The following WDR7 variants were observed in gnomAD, a reference collection of about 807,000 sequenced individuals.
WDR7 encodes WD repeat domain 7, also known as WD repeat-containing protein 7.
Under a neutral mutation model 169.4 loss-of-function variants are expected in WDR7, and 46 were observed. The ratio of observed to expected loss-of-function variants is 0.27; its 90% CI spans 0.21 to 0.35. WDR7 has a LOEUF of 0.35. Ranked by LOEUF, WDR7 falls within the 10% of genes least tolerant of loss-of-function variation. WDR7 has a pLI of 1.00. For synonymous variants in WDR7, 612 were observed against 666.8 expected (o/e 0.92, Z 1.27); for missense variants, 1,534 against 1,859.3 (o/e 0.83, Z 3.22).
At chr18:56,956,620 T>C (rs550361559) in intron 25 of WDR7, among the ~76,000 whole-genome samples, 1 of 152,266 alleles carries the variant, frequency 6.6e-6, no homozygotes, top group South Asian at 2.1e-4. Context: ...TGTACATTGC[T>C]CCACTGTAGA....
chr18:57,035,294 G>C, the WDR7 span: 1 of 152,372 alleles, frequency 6.6e-6, no homozygotes, highest in Non-Finnish European at 1.5e-5. Context: ...TTTAGCAGGT[G>C]CTGGGTCAAG....
chr18:56,999,473 T>C (rs2047944387), intron 26 of WDR7, among the ~76,000 whole-genome samples: 1 of 152,166 alleles, frequency 6.6e-6, no homozygotes, highest in South Asian at 2.1e-4. Flanking sequence ...AAACCACTTA[T>C]TCTGAGGTGA....
At chr18:56,965,493 G>T (rs1366618625) in intron 26 of WDR7, among the ~76,000 whole-genome samples, 3 of 147,792 alleles carry the variant, frequency 2.0e-5, no homozygotes, top group Admixed American at 6.8e-5. Context: ...AACAGATTAT[G>T]CAAAACCACA....
At chr18:56,842,439 CACACTTCTCA>C in intron 20 of WDR7, among the ~76,000 whole-genome samples, 2 of 152,262 alleles carry the variant, frequency 1.3e-5, no homozygotes, top group Admixed American at 1.3e-4. Flanking sequence ...TTAAAGGTCC[CACACTTCTCA>C]ACACTGTTGC....
At chr18:56,895,620 A>G (rs2046322366) in intron 21 of WDR7, among the ~76,000 whole-genome samples, 1 of 151,876 alleles carries the variant, frequency 6.6e-6, no homozygotes, top group Middle Eastern at 3.2e-3. Flanking sequence ...CACTTAAGAA[A>G]TACATTTTCC....
chr18:56,859,286 G>A (rs756549854), intron 20 of WDR7, among the ~76,000 whole-genome samples: 24 of 152,062 alleles, frequency 1.6e-4, no homozygotes, highest in Non-Finnish European at 2.4e-4. Context: ...TTGAGGAAAG[G>A]GTTATTACAC....
intron 20 of WDR7, among the ~76,000 whole-genome samples, chr18:56,857,592 C>T (rs1417920878): frequency 6.6e-6 from 1 of 152,048 alleles, no homozygotes; most frequent in Non-Finnish European, 1.5e-5. Context: ...CCTATGCATA[C>T]ATATATACAC....
intron 3 of WDR7, among the ~76,000 whole-genome samples, chr18:56,680,459 G>T (rs1389716713): frequency 6.6e-6 from 1 of 152,170 alleles, no homozygotes; most frequent in Admixed American, 6.5e-5. Flanking sequence ...TATAGTAGCT[G>T]TTGGTCAATT....
At chr18:56,669,978 C>T (rs1013044370) in intron 1 of WDR7, among the ~76,000 whole-genome samples, 8 of 151,944 alleles carry the variant, frequency 5.3e-5, no homozygotes, top group Non-Finnish European at 1.0e-4. Flanking sequence ...CCCTTTTTTC[C>T]CCTTAAAAAA....
intron 19 of WDR7, among the ~76,000 whole-genome samples, chr18:56,803,422 A>G (rs2044712507): frequency 6.6e-6 from 1 of 152,318 alleles, no homozygotes; most frequent in East Asian, 1.9e-4. Context: ...ATATTTGAAA[A>G]TAACATTTTT....
At chr18:57,006,316 G>GTT (rs201264018) in intron 26 of WDR7, among the ~76,000 whole-genome samples, 67 of 148,528 alleles carry the variant, frequency 4.5e-4, no homozygotes, top group Admixed American at 6.0e-4. Flanking sequence ...CATCAAAGCA[G>GTT]TTTTTTTTTT....
At chr18:56,784,066 A>G (rs2044358422) in intron 19 of WDR7, among the ~76,000 whole-genome samples, 1 of 152,156 alleles carries the variant, frequency 6.6e-6, no homozygotes, top group South Asian at 2.1e-4. Flanking sequence ...TATTTCATTT[A>G]ACCATTACAA....
chr18:56,712,782 T>A (rs1030900309), intron 12 of WDR7, among the ~76,000 whole-genome samples: 12 of 151,964 alleles, frequency 7.9e-5, no homozygotes, highest in African/African-American at 2.9e-4. Context: ...AGTCAGTTGA[T>A]AGCAGCGGTT....
At chr18:57,005,786 T>C (rs1024230348) in intron 26 of WDR7, among the ~76,000 whole-genome samples, 1 of 152,188 alleles carries the variant, frequency 6.6e-6, no homozygotes, top group Non-Finnish European at 1.5e-5. Flanking sequence ...ACACATAAAA[T>C]ATACTAACAC....
At chr18:56,988,147 C>T (rs1056209601) in intron 26 of WDR7, among the ~76,000 whole-genome samples, 1 of 152,138 alleles carries the variant, frequency 6.6e-6, no homozygotes, top group Admixed American at 6.5e-5. Context: ...ACTGTTCATC[C>T]GATTTCTTTT....
At chr18:56,828,420 G>A (rs1174799689) in intron 20 of WDR7, among the ~76,000 whole-genome samples, 2 of 152,108 alleles carry the variant, frequency 1.3e-5, no homozygotes, top group Non-Finnish European at 1.5e-5. Context: ...GAAGTGAGGG[G>A]TAAAAAGGAG....
chr18:56,740,565 A>C (rs191221861), intron 14 of WDR7, among the ~76,000 whole-genome samples: 74 of 152,318 alleles, frequency 4.9e-4, no homozygotes, highest in African/African-American at 1.5e-3. Context: ...ATAAAGGCTG[A>C]CCAACTTAAT....
At chr18:56,652,678 T>G (rs2024682105) in intron 1 of WDR7, among the ~76,000 whole-genome samples, 1 of 152,244 alleles carries the variant, frequency 6.6e-6, no homozygotes, top group Non-Finnish European at 1.5e-5. Context: ...TGCTTTATTA[T>G]TAATGTCAAT....
chr18:56,935,721 C>T (rs2046950998), intron 22 of WDR7, 67 bp from the exon 23 acceptor site: 1 of 1,455,602 alleles, frequency 6.9e-7, no homozygotes, highest in African/African-American at 1.4e-5. Flanking sequence ...TAAGCTGTGT[C>T]TAATCTTTTC....
Sources: allele counts gnomAD v4.1 joint callset (sites outside exome capture counted in the v4.1 genomes callset), GRCh38; gene constraint gnomAD v4.1.1; transcripts MANE v1.5; gene names NCBI Gene and HGNC (gene_info 2026-07-23, HGNC 2026-07-21).